GLDC: variants seen among roughly 807,000 people sequenced by gnomAD.
GLDC encodes the protein glycine dehydrogenase (decarboxylating), mitochondrial.
Under a neutral mutation model 121.3 loss-of-function variants are expected in GLDC, and 104 were observed. The observed-to-expected ratio is 0.86, with a 90% CI of 0.73 to 1.01. The LOEUF is 1.01. Among genes scored for constraint, GLDC ranks in the 50% least tolerant of loss-of-function variants. GLDC has a pLI of 0.00. For missense variants in GLDC, 1,429 were observed against 1,306.6 expected, an observed-to-expected ratio of 1.09 and a Z score of -1.44; for synonymous variants, 546 against 480.6, an observed-to-expected ratio of 1.14 and a Z score of -1.78.
chr9:6,619,573 C>G (rs907477468), intron 3 of GLDC, among the ~76,000 whole-genome samples: 3 of 151,980 alleles, frequency 2.0e-5, no homozygotes, highest in Non-Finnish European at 2.9e-5. Context: ...ACTAAAAATA[C>G]AAAAATTAGC....
intron 2 of GLDC, chr9:6,622,801 G>A (rs534703263): frequency 4.0e-5 from 9 of 226,668 alleles, no homozygotes; most frequent in African/African-American, 9.6e-5. Context: ...AGTGAGGAGC[G>A]CCTCTTCCGG....
chr9:6,603,713 G>A (rs1818668451), intron 7 of GLDC, among the ~76,000 whole-genome samples: 1 of 148,160 alleles, frequency 6.7e-6, no homozygotes, highest in East Asian at 1.9e-4. Flanking sequence ...TAGGTCCCCC[G>A]CTCCTTTTTT....
At chr9:6,559,760 A>G (rs1221242036) in intron 16 of GLDC, among the ~76,000 whole-genome samples, 3 of 151,872 alleles carry the variant, frequency 2.0e-5, no homozygotes, top group Non-Finnish European at 2.9e-5. Flanking sequence ...GGTTGCAGCG[A>G]GCCGAGATCG....
intron 9 of GLDC, 91 bp from the exon 10 acceptor site, chr9:6,593,081 A>C (rs1161212227): frequency 7.2e-7 from 1 of 1,383,352 alleles, no homozygotes; most frequent in African/African-American, 1.4e-5. Flanking sequence ...GATAAATTCT[A>C]CTAGACTCTT....
At position 6,532,984 on chromosome 9, in the gene GLDC, T is replaced by G; in HGVS notation, c.*33A>C. The G allele has an allele frequency of 6.6e-7, 1 of 1,522,592 alleles. No individual in the cohort carries two copies. Among genetic ancestry groups the G allele is most frequent in the Non-Finnish European group, 9.1e-7 (1 of 1,098,288 alleles). The allele number at this position is 1,522,592 out of a possible 1,614,324, so 94.3% of individuals were successfully genotyped here. A position where few individuals can be genotyped will look rare whatever the true frequency, so the allele number is the denominator to read the frequency against. On this transcript the variant is annotated 3_prime_UTR_variant, in exon 25 of 25. Coordinates refer to ENST00000321612, the MANE Select transcript of GLDC (RefSeq NM_000170.3). ...TTATCAAATGCTCTGGGGAGAGGCA[T>G]CAAATCAGTCCTTTAAACTTAGGGA...
chr9:6,571,577 G>GAACCCTAACACCA, intron 15 of GLDC, among the ~76,000 whole-genome samples: 1 of 152,068 alleles, frequency 6.6e-6, no homozygotes, highest in South Asian at 2.1e-4. Flanking sequence ...TGGTAACCAA[G>GAACCCTAACACCA]GCAGCTACTA....
chr9:6,583,263 C>T (rs1818206834), intron 15 of GLDC, among the ~76,000 whole-genome samples: 1 of 152,126 alleles, frequency 6.6e-6, no homozygotes, highest in Non-Finnish European at 1.5e-5. Flanking sequence ...GATACTTGTA[C>T]ATCAATGTAA....
intron 2 of GLDC, chr9:6,622,784 C>T (rs1232558708): frequency 7.9e-5 from 18 of 227,850 alleles, no homozygotes; most frequent in East Asian, 6.8e-4. Context: ...CGCCATCCCA[C>T]CTAGGAAGTG....
chr9:6,565,711 C>A, intron 15 of GLDC: 1 of 581,796 alleles, frequency 1.7e-6, no homozygotes, highest in South Asian at 2.3e-5. Flanking sequence ...TTGAAAATAG[C>A]CTTTTGTTAT....
At position 6,606,947 on chromosome 9, in the gene GLDC, C is replaced by T. The variant is rs1245922748; in HGVS notation, c.636-278G>A. Among the ~76,000 whole-genome samples, 7 of 152,160 alleles carry T rather than the reference C, an allele frequency of 4.6e-5. No homozygotes were observed. In the South Asian group the frequency reaches 8.3e-4, roughly 18 times the overall value. ...ATTAGCCGGTGCATGCCTGTAATCC[C>T]GGCTACTTGGGAGGCTGAGGCCAGA... On this transcript the variant is annotated intron_variant, in intron 4 of 24. Coordinates refer to ENST00000321612, the MANE Select transcript of GLDC (RefSeq NM_000170.3).
At position 6,588,665 on chromosome 9, in the gene GLDC, T is replaced by G. The variant is rs140516872; in HGVS notation, c.1618A>C (p.Lys540Gln). The G allele has an allele frequency of 2.3e-4, 367 of 1,613,560 alleles. 1 individual carries two copies. In the African/African-American group the frequency reaches 4.2e-3, roughly 18 times the overall value. Residue 540 changes from lysine (K) to glutamine (Q), a missense_variant, in exon 13 of 25, where the codon AAA becomes CAA. Physicochemically the swap from Lys to Gln is moderately conservative, Grantham distance 53 (BLOSUM62 1). Transcript: ENST00000321612. ...SETNIVRYMK[K>Q]LENKDISLVH... ...AGGGAAATGTCTTTATTTTCCAGTTTCTTCATGTACCGGACAATGTTTGTT... is the reference window on the plus strand; with the variant it reads ...AGGGAAATGTCTTTATTTTCCAGTTGCTTCATGTACCGGACAATGTTTGTT...
At chr9:6,556,591 G>A (rs573361642) in intron 17 of GLDC, among the ~76,000 whole-genome samples, 2 of 152,210 alleles carry the variant, frequency 1.3e-5, no homozygotes, top group South Asian at 2.1e-4. Flanking sequence ...TCAAGAATTC[G>A]AGACCAGCCT....
chr9:6,600,664 C>A (rs897485847), intron 8 of GLDC, among the ~76,000 whole-genome samples: 2 of 150,268 alleles, frequency 1.3e-5, no homozygotes, highest in Admixed American at 1.3e-4. Flanking sequence ...AGGAACAGGA[C>A]TCTATCTCAA....
intron 2 of GLDC, among the ~76,000 whole-genome samples, chr9:6,628,206 G>A (rs897737960): frequency 1.3e-5 from 2 of 152,324 alleles, no homozygotes; most frequent in East Asian, 1.9e-4. Context: ...GAAACAGTAT[G>A]GGGTCCTTCA....
intron 15 of GLDC, among the ~76,000 whole-genome samples, chr9:6,583,069 G>A (rs1053161703): frequency 6.6e-6 from 1 of 152,288 alleles, no homozygotes; most frequent in African/African-American, 2.4e-5. Context: ...AATAACAAAT[G>A]TTGGTGGGGG....
intron 21 of GLDC, among the ~76,000 whole-genome samples, chr9:6,550,386 G>A (rs1817487202): frequency 6.6e-6 from 1 of 152,132 alleles, no homozygotes; most frequent in Admixed American, 6.6e-5. Flanking sequence ...CAGCACTTTG[G>A]GAGGCTGAGA....
At chr9:6,619,146 C>CAAAAAAAAAAA (rs1162280442) in intron 3 of GLDC, among the ~76,000 whole-genome samples, 3 of 60,678 alleles carry the variant, frequency 4.9e-5, no homozygotes, top group Non-Finnish European at 9.3e-5. Flanking sequence ...CTGTCTCAGG[C>CAAAAAAAAAAA]AAAAAAAAAA....
intron 15 of GLDC, among the ~76,000 whole-genome samples, chr9:6,568,167 A>C (rs1432118154): frequency 6.6e-6 from 1 of 152,208 alleles, no homozygotes; most frequent in South Asian, 2.1e-4. Flanking sequence ...TATATGCTAA[A>C]GACTTGATCA....
chr9:6,633,624 C>T (rs1276284185), intron 2 of GLDC, among the ~76,000 whole-genome samples: 2 of 151,896 alleles, frequency 1.3e-5, no homozygotes, highest in Non-Finnish European at 2.9e-5. Flanking sequence ...CACGTCTGTA[C>T]AAAAACCATG....
Sources: allele counts gnomAD v4.1 joint callset (sites outside exome capture counted in the v4.1 genomes callset), GRCh38; gene constraint gnomAD v4.1.1; transcripts MANE v1.5; gene names NCBI Gene and HGNC (gene_info 2026-07-23, HGNC 2026-07-21).